The following SCO2 variants were observed in gnomAD, a reference collection of about 807,000 sequenced individuals.
SCO2 encodes synthesis of cytochrome C oxidase 2, also known as cytochrome c oxidase assembly factor SCO2.
For missense variants in SCO2, 429 were observed against 348.7 expected (o/e 1.23, Z -1.83); for synonymous variants, 195 against 148.6 (o/e 1.31, Z -2.27).
At chr22:50,525,221 A>G (rs2069290795) in intron 1 of SCO2, among the ~76,000 whole-genome samples, 1 of 152,240 alleles carries the variant, frequency 6.6e-6, no homozygotes, top group Non-Finnish European at 1.5e-5. Flanking sequence ...CAGCAAGGCC[A>G]GCGCCCTCGT....
upstream of SCO2, chr22:50,525,615 CGCACACGGGCGCAGCCGCT>C: frequency 8.5e-7 from 1 of 1,174,470 alleles, no homozygotes; most frequent in Non-Finnish European, 1.2e-6. Flanking sequence ...GCTGCGCATG[CGCACACGGGCGCAGCCGCT>C]GACAGGCTCT....
At chr22:50,524,623 C>T in intron 1 of SCO2, 199 bp from the exon 2 acceptor site, 2 of 710,480 alleles carry the variant, frequency 2.8e-6, no homozygotes, top group South Asian at 3.0e-5. Context: ...ACCTGTCACT[C>T]CTGTCCTCTA....
Position 50,524,045 on chromosome 22 carries a change from A to G in SCO2, c.367T>C (p.Trp123Arg), listed in dbSNP as rs141312638. 1.2e-6 allele frequency: 2 copies of G among 1,613,322 alleles called. No homozygotes were observed. The highest frequency in any genetic ancestry group is 2.7e-5 in the African/African-American group (2 of 74,902). Reference sequence around the variant, plus strand: ...GTGAAGCCAAAGTACATCAGCACCCACTGGCCCCGGAAGTCAGCCTTGCAG... The same window carrying G: ...GTGAAGCCAAAGTACATCAGCACCCGCTGGCCCCGGAAGTCAGCCTTGCAG... The part of the protein sequence containing the change: ...ARCKADFRGQ[W>R]VLMYFGFTHC... The change falls in exon 2 of 2, where the codon TGG becomes CGG. Residue 123 changes from tryptophan (W) to arginine (R), a missense_variant. By Grantham distance (101) the Trp-to-Arg change is moderately radical. Transcript: ENST00000395693.
At chr22:50,524,932 G>A (rs964035022) in intron 1 of SCO2, among the ~76,000 whole-genome samples, 9 of 150,750 alleles carry the variant, frequency 6.0e-5, no homozygotes, top group Non-Finnish European at 1.2e-4. Context: ...GACTCTGCCC[G>A]CCGGCTGTGT....
chr22:50,524,322 G>A lies in SCO2; in HGVS notation c.90C>T (p.Ala30=). 1 of 1,601,920 alleles carries A rather than the reference G, an allele frequency of 6.2e-7. No homozygotes were observed. Among genetic ancestry groups the A allele is most frequent in the Non-Finnish European group, 8.5e-7 (1 of 1,179,902 alleles). The change falls in exon 2 of 2, where the codon GCC becomes GCT. Residue 30 remains alanine, a synonymous_variant. Transcript: ENST00000395693. ...RVLPGTLGGQ[A]LHLRSWLLSR... is the part of the protein sequence containing the mutation. The stretch of plus-strand genomic sequence containing the variant: ...ACAAAAGCCAGGACCTCAGATGCAG[G>A]GCCTGGCCTCCCAGGGTCCCAGGGA...
upstream of SCO2, chr22:50,525,855 A>C: frequency 6.2e-7 from 1 of 1,603,462 alleles, no homozygotes; most frequent in Non-Finnish European, 8.5e-7. Flanking sequence ...CGCCTCCTGC[A>C]GGGCGCGGCT....
upstream of SCO2, chr22:50,526,279 G>T: frequency 6.5e-7 from 1 of 1,544,782 alleles, no homozygotes; most frequent in Non-Finnish European, 8.6e-7. Context: ...TCCTGCTCCC[G>T]GGCGCGAGGC....
At chr22:50,526,022 C>G (rs915052922), upstream of SCO2, 16 of 1,472,536 alleles carry the variant, frequency 1.1e-5, no homozygotes, top group African/African-American at 1.8e-4. Flanking sequence ...CTCTGACCCA[C>G]GTCGACCAGC....
chr22:50,526,039 G>A, upstream of SCO2: 2 of 1,479,180 alleles, frequency 1.4e-6, no homozygotes, highest in Non-Finnish European at 1.8e-6. Flanking sequence ...CAGCAGCTCT[G>A]CGCCCACCCC....
At position 50,524,078 on chromosome 22, in the gene SCO2, G is replaced by T. The variant is rs370130010; in HGVS notation, c.334C>A (p.Arg112=). The change falls in exon 2 of 2, where the codon CGG becomes AGG. Residue 112 remains arginine (R), a synonymous_variant. Coordinates refer to ENST00000395693, the MANE Select transcript of SCO2 (RefSeq NM_005138.3). ...CGGAAGTCAGCCTTGCAGCGAGCCC[G>T]GCCTCTGTGATCCAGCAGGTGGAAG... ...GDFHLLDHRG[R]ARCKADFRGQ... 8.7e-6 allele frequency: 14 copies of T among 1,613,104 alleles called. No individual in the cohort carries two copies. The highest frequency in any genetic ancestry group is 1.0e-5 in the Non-Finnish European group (12 of 1,180,032).
At position 50,524,190 on chromosome 22, in the gene SCO2, G is replaced by A; in HGVS notation, c.222C>T (p.Ala74=). Residue 74 remains alanine (A), a synonymous_variant, in exon 2 of 2, where the codon GCC becomes GCT. Transcript: ENST00000395693. Reference sequence around the variant, plus strand: ...CCTTCTCAGCCCTCAGGGCCAGCCAGGCCCCACCGAGTCCAGCCCCGAACA... The same window carrying A: ...CCTTCTCAGCCCTCAGGGCCAGCCAAGCCCCACCGAGTCCAGCCCCGAACA... The part of the protein sequence containing the change: ...TGLFGAGLGG[A]WLALRAEKER... 3 of 1,609,152 alleles carry A rather than the reference G, an allele frequency of 1.9e-6. No individual in the cohort carries two copies. Among genetic ancestry groups the A allele is most frequent in the Non-Finnish European group, 2.5e-6 (3 of 1,179,938 alleles).
rs1354803520 is a variant in SCO2 at position 50,525,545 on chromosome 22, C to T, written c.-87G>A. 4.6e-6 allele frequency: 3 copies of T among 656,778 alleles called. No homozygotes were observed. Among genetic ancestry groups the T allele is most frequent in the Non-Finnish European group, 5.1e-6 (2 of 392,738 alleles). The allele number at this position is 656,778 out of a possible 1,614,324, so 40.7% of individuals were successfully genotyped here. On this transcript the variant is annotated 5_prime_UTR_variant, in exon 1 of 2. Transcript: ENST00000395693. ...GACCTCCAGCTCCCTGCGCTCTGCC[C>T]CGCCGGCTCAGGGAAAGCGGGCGCC...
At position 50,525,586 on chromosome 22, in the gene SCO2, G is replaced by A. The variant is rs1164267652; in HGVS notation, c.-128C>T. The A allele has an allele frequency of 1.1e-5, 10 of 897,790 alleles. No individual in the cohort carries two copies. The Admixed American group carries it at 1.3e-4, about 12-fold the overall frequency. The allele number at this position is 897,790 out of a possible 1,614,324, so 55.6% of individuals were successfully genotyped here. A position where few individuals can be genotyped will look rare whatever the true frequency, so the allele number is the denominator to read the frequency against. On this transcript the variant is annotated 5_prime_UTR_variant, in exon 1 of 2. Coordinates refer to ENST00000395693, the MANE Select transcript of SCO2 (RefSeq NM_005138.3). ...AGCGGGCGCCACACGCTCACAGGCAGGGCGCAGGCGTCCCCGGAGCTGCGC... is the reference window on the plus strand; with the variant it reads ...AGCGGGCGCCACACGCTCACAGGCAAGGCGCAGGCGTCCCCGGAGCTGCGC...
rs773641252 is a variant in SCO2 at position 50,524,266 on chromosome 22, T to G, written c.146A>C (p.Gln49Pro). Residue 49 changes from glutamine (Q) to proline (P), a missense_variant, in exon 2 of 2, where the codon CAG becomes CCG. By Grantham distance (76) the Gln-to-Pro change is moderately conservative. Coordinates refer to ENST00000395693, the MANE Select transcript of SCO2 (RefSeq NM_005138.3). ...SRQGPAETGGQGQPQGPGLRT... is the reference protein window; with the variant it reads ...SRQGPAETGGPGQPQGPGLRT... The stretch of plus-strand genomic sequence containing the variant: ...AAGCCCAGGGCCCTGGGGCTGGCCC[T>G]GCCCACCTGTCTCTGCAGGGCCCTG... 1.4e-5 allele frequency: 22 copies of G among 1,604,434 alleles called. No homozygotes were observed. Among genetic ancestry groups the G allele is most frequent in the Non-Finnish European group, 1.9e-5 (22 of 1,179,764 alleles).
At chr22:50,525,981 A>G, upstream of SCO2, 1 of 1,387,376 alleles carries the variant, frequency 7.2e-7, no homozygotes. Context: ...CGGGGCCAGC[A>G]GGGCGGGGGC....
chr22:50,526,428 C>A (rs1373519372), upstream of SCO2: 2 of 1,510,078 alleles, frequency 1.3e-6, no homozygotes, highest in Non-Finnish European at 1.8e-6. Flanking sequence ...CCGGGCAGCG[C>A]CCTGGGCCTG....
In SCO2 at chr22:50,524,271, A is replaced by G. The variant is rs766657818; in HGVS notation, c.141T>C (p.Gly47=). 1.2e-6 allele frequency: 2 copies of G among 1,603,420 alleles called. No homozygotes were observed. Among genetic ancestry groups the G allele is most frequent in the South Asian group, 2.2e-5 (2 of 91,006 alleles). ...LLSRQGPAET[G]GQGQPQGPGL... ...CAGGGCCCTGGGGCTGGCCCTGCCC[A>G]CCTGTCTCTGCAGGGCCCTGCCTTG... The change falls in exon 2 of 2, where the codon GGT becomes GGC. Residue 47 remains glycine, a synonymous_variant. Transcript: ENST00000395693.
At position 50,523,933 on chromosome 22, in the gene SCO2, A is replaced by T. The variant is rs755433769; in HGVS notation, c.479T>A (p.Val160Glu). ...QLEAEPGLPPVQPVFITVDPE... is the reference protein window; with the variant it reads ...QLEAEPGLPPEQPVFITVDPE... ...GTCCACAGTGATGAAGACAGGCTGC[A>T]CTGGAGGCAAACCAGGCTCTGCTTC... is the stretch of plus-strand genomic sequence containing the variant. Residue 160 changes from valine to glutamate, a missense_variant, in exon 2 of 2, where the codon GTG (valine) becomes GAG (glutamate). By Grantham distance (121) the Val-to-Glu change is moderately radical. Transcript: ENST00000395693. 4 of 1,612,836 alleles carry T rather than the reference A, an allele frequency of 2.5e-6. No homozygotes were observed. The Admixed American group carries it at 6.7e-5, about 27-fold the overall frequency.
Position 50,524,354 on chromosome 22 carries a change from G to A in SCO2, c.58C>T (p.Arg20Trp), listed in dbSNP as rs771393456. Reference sequence around the variant, plus strand: ...CCTCCCAGGGTCCCAGGGAGGACCCGAGGCTTGAGCTGAGAGAGCCTGTGC... The same window carrying A: ...CCTCCCAGGGTCCCAGGGAGGACCCAAGGCTTGAGCTGAGAGAGCCTGTGC... The part of the protein sequence containing the change: ...AWHRLSQLKP[R>W]VLPGTLGGQA... Residue 20 changes from arginine to tryptophan, a missense_variant, in exon 2 of 2, where the codon CGG becomes TGG. By Grantham distance (101) the Arg-to-Trp change is moderately radical. Transcript: ENST00000395693. The A allele has an allele frequency of 7.5e-6, 12 of 1,602,022 alleles. No homozygotes were observed. Among genetic ancestry groups the A allele is most frequent in the Non-Finnish European group, 5.9e-6 (7 of 1,179,936 alleles).
Sources: allele counts gnomAD v4.1 joint callset (sites outside exome capture counted in the v4.1 genomes callset), GRCh38; gene constraint gnomAD v4.1.1; transcripts MANE v1.5; gene names NCBI Gene and HGNC (gene_info 2026-07-23, HGNC 2026-07-21).